Variants in FBRSL1 observed in about 807,000 individuals in gnomAD.
FBRSL1 encodes the protein fibrosin like 1, also known as fibrosin-1-like protein.
In FBRSL1, 51 loss-of-function variants were observed where a neutral mutation model predicts 89.6. The observed-to-expected ratio is 0.57, with a 90% CI of 0.45 to 0.72. FBRSL1 has a LOEUF of 0.72. Ranked by LOEUF, FBRSL1 falls within the 30% of genes least tolerant of loss-of-function variation. The pLI is 0.00. For missense variants in FBRSL1, 1,618 were observed against 1,451.8 expected (o/e 1.11, Z -1.86); for synonymous variants, 779 against 681.1 (o/e 1.14, Z -2.24).
intron 1 of FBRSL1, among the ~76,000 whole-genome samples, chr12:132,502,316 C>T (rs992831913): frequency 2.0e-5 from 3 of 152,212 alleles, no homozygotes; most frequent in Admixed American, 1.3e-4. Context: ...GGCAAACTGC[C>T]GCCCTGGGCC....
chr12:132,547,443 C>A (rs1354242903), intron 4 of FBRSL1, among the ~76,000 whole-genome samples: 1 of 152,210 alleles, frequency 6.6e-6, no homozygotes, highest in Non-Finnish European at 1.5e-5. Flanking sequence ...CCCTGAGCGG[C>A]CGTGGCCCTC....
chr12:132,556,936 G>A (rs541123781), intron 5 of FBRSL1, among the ~76,000 whole-genome samples: 2 of 152,114 alleles, frequency 1.3e-5, no homozygotes, highest in African/African-American at 4.8e-5. Flanking sequence ...CGTGCCCCGC[G>A]GAGTGGCAGC....
At chr12:132,498,779 T>C (rs1392260465) in intron 1 of FBRSL1, among the ~76,000 whole-genome samples, 1 of 152,096 alleles carries the variant, frequency 6.6e-6, no homozygotes, top group Non-Finnish European at 1.5e-5. Context: ...GGTCAGAGGC[T>C]GAAGAGCCAT....
intron 5 of FBRSL1, among the ~76,000 whole-genome samples, chr12:132,558,489 C>T (rs568590957): frequency 5.3e-5 from 8 of 152,354 alleles, no homozygotes; most frequent in South Asian, 2.1e-4. Flanking sequence ...TGGACGCAAG[C>T]GCGTGCCGTT....
intron 2 of FBRSL1, among the ~76,000 whole-genome samples, chr12:132,512,232 G>T (rs889438608): frequency 1.3e-5 from 2 of 152,278 alleles, no homozygotes; most frequent in Non-Finnish European, 2.9e-5. Flanking sequence ...CTCGGCTCAT[G>T]CCTGGGGGGC....
At chr12:132,537,373 A>G (rs2036852072) in intron 4 of FBRSL1, among the ~76,000 whole-genome samples, 1 of 151,934 alleles carries the variant, frequency 6.6e-6, no homozygotes, top group Non-Finnish European at 1.5e-5. Context: ...GCGTCACAGC[A>G]CAAATGCCAG....
rs2036234531 is a variant in FBRSL1, at chr12:132,531,042, G to A, written c.615+3054G>A. On this transcript the variant is annotated intron_variant, in intron 4 of 18. Transcript: ENST00000680143. Reference sequence around the variant, plus strand: ...GCCCGGGGTGCAGGTGAGAGCCCAGGCTCCAGGCAGAGAGCAGGGAGGTGC... The same window carrying A: ...GCCCGGGGTGCAGGTGAGAGCCCAGACTCCAGGCAGAGAGCAGGGAGGTGC... 2.6e-5 allele frequency among the ~76,000 whole-genome samples: 4 copies of A among 151,936 alleles called. No homozygotes were observed. The South Asian group carries it at 8.3e-4, about 31-fold the overall frequency.
chr12:132,520,262 C>T (rs1008081820), intron 2 of FBRSL1, among the ~76,000 whole-genome samples: 1 of 152,112 alleles, frequency 6.6e-6, no homozygotes, highest in African/African-American at 2.4e-5. Flanking sequence ...ACCTCTAGCA[C>T]ACCCTCCTTG....
At chr12:132,505,697 C>G (rs1245918643) in intron 1 of FBRSL1, among the ~76,000 whole-genome samples, 2 of 152,232 alleles carry the variant, frequency 1.3e-5, no homozygotes, top group Non-Finnish European at 2.9e-5. Context: ...GGTCGTGCCT[C>G]TCTCAGCAGC....
At chr12:132,582,357 C>CCCTCTTCTCCCCGTTT in intron 18 of FBRSL1, 91 bp downstream of exon 18, 1 of 1,058,260 alleles carries the variant, frequency 9.4e-7, no homozygotes, top group East Asian at 2.7e-5. Flanking sequence ...CTCCCCCGTT[C>CCCTCTTCTCCCCGTTT]CCTCTTCTCC....
chr12:132,582,463 A>G (rs2040840052), intron 18 of FBRSL1, among the ~76,000 whole-genome samples, 197 bp downstream of exon 18: 1 of 122,262 alleles, frequency 8.2e-6, no homozygotes, highest in Admixed American at 9.8e-5. Flanking sequence ...ACTGCTGCGC[A>G]CTCACAGTCT....
intron 5 of FBRSL1, among the ~76,000 whole-genome samples, chr12:132,559,037 G>A (rs1354030823): frequency 6.6e-6 from 1 of 152,264 alleles, no homozygotes; most frequent in Non-Finnish European, 1.5e-5. Context: ...GCGCTGGGAT[G>A]GAAGGGTCCC....
At chr12:132,530,866 C>T (rs1298743079) in intron 4 of FBRSL1, among the ~76,000 whole-genome samples, 1 of 152,070 alleles carries the variant, frequency 6.6e-6, no homozygotes, top group African/African-American at 2.4e-5. Flanking sequence ...CCAGCACACA[C>T]ATACCTGTTT....
rs1291430101 is a variant in FBRSL1 at position 132,490,312 on chromosome 12, G to C, written c.-259G>C. The C allele has an allele frequency of 7.0e-6, 1 of 143,226 alleles. No individual in the cohort carries two copies. The highest frequency in any genetic ancestry group is 1.5e-5 in the Non-Finnish European group (1 of 64,822). The allele number at this position is 143,226 out of a possible 1,614,324, so 8.9% of individuals were successfully genotyped here. On this transcript the variant is annotated 5_prime_UTR_variant, in exon 1 of 19. Transcript: ENST00000680143. ...GGCGCGCCCCCGGGGGGGCGGCCGAGGGCCGCTGAGCGCCGGGCCCGCCCC... is the reference window on the plus strand; with the variant it reads ...GGCGCGCCCCCGGGGGGGCGGCCGACGGCCGCTGAGCGCCGGGCCCGCCCC...
rs1174395040 is a variant in FBRSL1, at chr12:132,570,157, G to T, written c.923G>T (p.Gly308Val). 16 of 1,492,780 alleles carry T rather than the reference G, an allele frequency of 1.1e-5. No homozygotes were observed. Among genetic ancestry groups the T allele is most frequent in the Non-Finnish European group, 1.4e-5 (16 of 1,130,370 alleles). 92.5% of individuals were successfully genotyped at this position (1,492,780 alleles called of 1,614,324 possible). ...CAGCCGCCACCCCCGCAGCCCCGCG[G>T]CCTGCTCCCGACACACGTGCCTGCA... Reference protein sequence around the residue: ...TPQPPPPQPRGLLPTHVPASL... With the variant: ...TPQPPPPQPRVLLPTHVPASL... The change falls in exon 7 of 19, where the codon GGC (glycine) becomes GTC (valine). Residue 308 changes from glycine to valine, a missense_variant. Coordinates refer to ENST00000680143, the MANE Select transcript of FBRSL1 (RefSeq NM_001367871.1).
At chr12:132,580,699 A>G (rs1348199238) in intron 15 of FBRSL1, 4 of 883,578 alleles carry the variant, frequency 4.5e-6, no homozygotes, top group Admixed American at 6.2e-5. Flanking sequence ...CGCGTCCTAC[A>G]TGGGAGGCAT....
chr12:132,563,942 T>A (rs2137702551), intron 5 of FBRSL1, among the ~76,000 whole-genome samples: 1 of 142,038 alleles, frequency 7.0e-6, no homozygotes, highest in Admixed American at 7.0e-5. Context: ...GACACATACC[T>A]ACGTCTGTAC....
rs554058988 is a variant in FBRSL1 at position 132,584,974 on chromosome 12, C to G, written c.*1196C>G. 1 of 152,034 alleles carries G rather than the reference C, an allele frequency of 6.6e-6. No individual in the cohort carries two copies. The highest frequency in any genetic ancestry group is 1.9e-4 in the East Asian group (1 of 5,146). The allele number at this position is 152,034 out of a possible 1,614,324, so 9.4% of individuals were successfully genotyped here. Reference sequence around the variant, plus strand: ...GGGTTTTGCCCTCACCCACATGAGCCCCCCCATGCCCTGCCCCCCTTGCGG... The same window carrying G: ...GGGTTTTGCCCTCACCCACATGAGCGCCCCCATGCCCTGCCCCCCTTGCGG... On this transcript the variant is annotated 3_prime_UTR_variant, in exon 19 of 19. Transcript: ENST00000680143.
At chr12:132,494,120 G>C (rs1434722738) in intron 1 of FBRSL1, among the ~76,000 whole-genome samples, 2 of 152,176 alleles carry the variant, frequency 1.3e-5, no homozygotes, top group Non-Finnish European at 2.9e-5. Context: ...GGAGGCCTGA[G>C]GAAGCCCCGC....
Sources: allele counts gnomAD v4.1 joint callset (sites outside exome capture counted in the v4.1 genomes callset), GRCh38; gene constraint gnomAD v4.1.1; transcripts MANE v1.5; gene names NCBI Gene and HGNC (gene_info 2026-07-23, HGNC 2026-07-21).